SLC24A2: variants seen among roughly 807,000 people sequenced by gnomAD.
The protein encoded by SLC24A2 is sodium/potassium/calcium exchanger 2.
A neutral mutation model predicts 62.0 loss-of-function variants in SLC24A2; 36 were observed. That is an observed-to-expected ratio of 0.58 (90% CI 0.44 to 0.77). The LOEUF is 0.77. Ranked by LOEUF, SLC24A2 falls within the 30% of genes least tolerant of loss-of-function variation. SLC24A2 has a pLI of 0.00. For synonymous variants in SLC24A2, 358 were observed against 294.0 expected (o/e 1.22, Z -2.23); for missense variants, 846 against 817.9 (o/e 1.03, Z -0.42).
In SLC24A2 at chr9:19,672,146, G is replaced by T. The variant is rs890106527; in HGVS notation, c.931-49847C>A. Among the ~76,000 whole-genome samples the T allele has an allele frequency of 4.1e-5, 6 of 146,312 alleles. 1 individual carries two copies. The highest frequency in any genetic ancestry group is 1.6e-4 in the African/African-American group (6 of 37,164). On this transcript the variant is annotated intron_variant, in intron 2 of 10. Transcript: ENST00000341998. ...TAGGATTGGTACCAGTTCTTTGAAT[G>T]TCTGATAGAATTCAGCTGTGAATCC...
In SLC24A2 at chr9:19,758,101, T is replaced by C. The variant is rs576388083; in HGVS notation, c.930+27836A>G. Among the ~76,000 whole-genome samples the C allele has an allele frequency of 3.3e-4, 51 of 152,266 alleles. No individual in the cohort carries two copies. In the South Asian group the frequency reaches 6.2e-3, roughly 19 times the overall value. ...TTATCTAGTCTCAGGTATTATGTTA[T>C]AGCAACACAAAACAGACTAAGATAC... On this transcript the variant is annotated intron_variant, in intron 2 of 10. Coordinates refer to ENST00000341998, the MANE Select transcript of SLC24A2 (RefSeq NM_020344.4).
At chr9:19,934,606 G>A in the SLC24A2 span, among the ~76,000 whole-genome samples, 11 of 152,210 alleles carry the variant, frequency 7.2e-5, no homozygotes, top group Non-Finnish European at 7.3e-5. This position sits in a 1 kb window ranked among gnomAD's most constrained non-coding sequence, Gnocchi z 4.1. Flanking sequence ...AGGCCAAACA[G>A]GCAGCCAGCA....
chr9:19,697,124 G>A (rs1820216787), intron 2 of SLC24A2, among the ~76,000 whole-genome samples: 1 of 152,074 alleles, frequency 6.6e-6, no homozygotes, highest in Non-Finnish European at 1.5e-5. Flanking sequence ...AAAATAACAT[G>A]TTAGTCAATG....
At chr9:20,121,904 G>A in the SLC24A2 span, among the ~76,000 whole-genome samples, 1 of 152,082 alleles carries the variant, frequency 6.6e-6, no homozygotes, top group Non-Finnish European at 1.5e-5. Flanking sequence ...TACATCTAGA[G>A]CTTTACACGT....
the SLC24A2 span, among the ~76,000 whole-genome samples, chr9:19,989,837 A>G: frequency 3.3e-5 from 5 of 152,244 alleles, no homozygotes; most frequent in Non-Finnish European, 7.3e-5. Context: ...TTCAAGCTGC[A>G]TAATGGTCTC....
chr9:20,050,283 G>C, the SLC24A2 span, among the ~76,000 whole-genome samples: 22 of 151,600 alleles, frequency 1.5e-4, no homozygotes, highest in Non-Finnish European at 2.8e-4. Context: ...GGTCATGGTG[G>C]TGCATGCTTG....
chr9:19,611,119 A>G (rs1837147970), intron 4 of SLC24A2, among the ~76,000 whole-genome samples: 1 of 152,184 alleles, frequency 6.6e-6, no homozygotes, highest in African/African-American at 2.4e-5. Flanking sequence ...ATCAGGTGAC[A>G]TGTGAAGGCT....
the SLC24A2 span, among the ~76,000 whole-genome samples, chr9:20,081,215 C>T: frequency 6.6e-6 from 1 of 152,010 alleles, no homozygotes; most frequent in East Asian, 1.9e-4. Flanking sequence ...ATAGCAAAGA[C>T]TTGGAACCAA....
the SLC24A2 span, among the ~76,000 whole-genome samples, chr9:19,982,692 G>T: frequency 6.6e-6 from 1 of 152,102 alleles, no homozygotes; most frequent in Non-Finnish European, 1.5e-5. Flanking sequence ...CTATAAGGCT[G>T]TATTACCCTA....
chr9:19,605,603 A>C (rs1436329777), intron 4 of SLC24A2, among the ~76,000 whole-genome samples: 1 of 152,236 alleles, frequency 6.6e-6, no homozygotes, highest in African/African-American at 2.4e-5. Context: ...TTTTTCAGGA[A>C]AGAAAATATA....
chr9:20,105,913 G>A, the SLC24A2 span, among the ~76,000 whole-genome samples: 1 of 152,118 alleles, frequency 6.6e-6, no homozygotes, highest in South Asian at 2.1e-4. Flanking sequence ...CCAGGAGCTG[G>A]TTTTTTGAAA....
chr9:19,571,995 C>T (rs906885977), intron 7 of SLC24A2, among the ~76,000 whole-genome samples: 3 of 151,984 alleles, frequency 2.0e-5, no homozygotes, highest in Non-Finnish European at 2.9e-5. Context: ...ACTATCCGGG[C>T]GCAGTGGCTC....
chr9:19,674,010 T>C (rs1295614491), intron 2 of SLC24A2, among the ~76,000 whole-genome samples: 1 of 152,194 alleles, frequency 6.6e-6, no homozygotes, highest in African/African-American at 2.4e-5. Flanking sequence ...TTTGGTGTAT[T>C]TCAAGGATTT....
the SLC24A2 span, among the ~76,000 whole-genome samples, chr9:20,054,935 C>T: frequency 6.6e-6 from 1 of 152,210 alleles, no homozygotes; most frequent in African/African-American, 2.4e-5. Flanking sequence ...CAAGTGATGA[C>T]ATAATCCTTT....
chr9:20,230,116 C>T, the SLC24A2 span, among the ~76,000 whole-genome samples: 1 of 152,140 alleles, frequency 6.6e-6, no homozygotes, highest in South Asian at 2.1e-4. Context: ...GCCACATTTT[C>T]TTAATCCAGT....
chr9:19,982,116 A>G, the SLC24A2 span, among the ~76,000 whole-genome samples: 1 of 152,170 alleles, frequency 6.6e-6, no homozygotes, highest in African/African-American at 2.4e-5. Context: ...AGTGTCTGGG[A>G]AGACTTCATG....
At chr9:20,191,149 T>C in the SLC24A2 span, among the ~76,000 whole-genome samples, 1 of 133,038 alleles carries the variant, frequency 7.5e-6, no homozygotes, top group Non-Finnish European at 1.5e-5. Flanking sequence ...GTAATCACCA[T>C]GTTTTCCGGA....
At chr9:20,303,797 G>T in the SLC24A2 span, among the ~76,000 whole-genome samples, 1 of 152,166 alleles carries the variant, frequency 6.6e-6, no homozygotes, top group Admixed American at 6.5e-5. Flanking sequence ...CTTAAGTAGG[G>T]ACAACCTAGC....
rs1221557874 is a variant in SLC24A2 at position 19,632,653 on chromosome 9, A to C, written c.931-10354T>G. Among the ~76,000 whole-genome samples, 2 of 152,200 alleles carry C rather than the reference A, an allele frequency of 1.3e-5. No individual in the cohort carries two copies. The highest frequency in any genetic ancestry group is 2.9e-5 in the Non-Finnish European group (2 of 68,048). On this transcript the variant is annotated intron_variant, in intron 2 of 10. Coordinates refer to ENST00000341998, the MANE Select transcript of SLC24A2 (RefSeq NM_020344.4). The surrounding 1 kb of genome is among the most constrained non-coding windows in gnomAD (Gnocchi z 4.5). ...TTTAATAACTTCTTATTTGGAAATA[A>C]TTATAGATTCACAAATAGTTGCAAA... is the stretch of plus-strand genomic sequence containing the variant.
Sources: gnomAD v4.1 joint callset for allele counts (sites outside exome capture counted in the v4.1 genomes callset) on GRCh38, gnomAD v4.1.1 for gene constraint, Gnocchi (gnomAD v3.1) non-coding constraint, MANE v1.5 for transcripts, NCBI Gene and HGNC (gene_info 2026-07-23, HGNC 2026-07-21) for gene names.